Variants in CUL4A observed in about 807,000 individuals in gnomAD.
The protein encoded by CUL4A is cullin 4A.
Under a neutral mutation model 95.5 loss-of-function variants are expected in CUL4A, and 16 were observed. That is an observed-to-expected ratio of 0.17 (90% confidence interval 0.11 to 0.25). The LOEUF is 0.25. Among genes scored for constraint, CUL4A ranks in the 10% least tolerant of loss-of-function variants. The pLI, the probability that CUL4A is intolerant of heterozygous loss-of-function variation, is 1.00. For missense variants in CUL4A, 610 were observed against 937.0 expected, an observed-to-expected ratio of 0.65 and a Z score of 4.56; for synonymous variants, 380 against 353.1, an observed-to-expected ratio of 1.08 and a Z score of -0.85.
chr13:113,253,721 A>G (rs372364538), intron 16 of CUL4A, among the ~76,000 whole-genome samples: 1 of 152,174 alleles, frequency 6.6e-6, no homozygotes, highest in Admixed American at 6.5e-5. Flanking sequence ...TCTTAATAAG[A>G]CATTTTCACG....
At chr13:113,227,074 G>A (rs1211431469) in intron 3 of CUL4A, among the ~76,000 whole-genome samples, 9 of 152,196 alleles carry the variant, frequency 5.9e-5, no homozygotes, top group African/African-American at 2.2e-4. Context: ...AGGCTGGAGA[G>A]GGAGTGGCGA....
chr13:113,234,047 G>A, intron 7 of CUL4A, 61 bp downstream of exon 7: 2 of 976,054 alleles, frequency 2.0e-6, no homozygotes, highest in Non-Finnish European at 3.2e-6. Context: ...GCACCTAGGA[G>A]GACTTTCCTC....
intron 15 of CUL4A, among the ~76,000 whole-genome samples, chr13:113,248,029 G>A (rs1199294639): frequency 2.6e-5 from 4 of 152,140 alleles, no homozygotes; most frequent in South Asian, 2.1e-4. Context: ...CGGGAGGTGC[G>A]CACTATCACG....
intron 18 of CUL4A, among the ~76,000 whole-genome samples, chr13:113,256,811 T>C (rs942426823): frequency 8.5e-5 from 13 of 152,126 alleles, no homozygotes; most frequent in Non-Finnish European, 4.4e-5. Context: ...TGTATTTTTC[T>C]TTTTCTAATT....
chr13:113,235,546 C>T (rs960956157), intron 8 of CUL4A, among the ~76,000 whole-genome samples: 1 of 151,942 alleles, frequency 6.6e-6, no homozygotes, highest in Non-Finnish European at 1.5e-5. Context: ...TCCTGCAAAC[C>T]TGAGGTTGAT....
intron 5 of CUL4A, 100 bp from the exon 6 acceptor site, chr13:113,233,072 AACTTC>A (rs1423495442): frequency 8.3e-7 from 1 of 1,209,080 alleles, no homozygotes; most frequent in East Asian, 2.5e-5. Context: ...GAGAATTAGC[AACTTC>A]ACATTTTTGG....
rs1329850749 is a variant in CUL4A at position 113,210,041 on chromosome 13, G to A, written c.217G>A (p.Val73Met). ...WRKLHEAVRA[V>M]QSSTSIRYNL... ...GAAGCTGCACGAGGCGGTGCGGGCC[G>A]TGCAGAGCAGCACCTCCATCAGGTA... Residue 73 changes from valine (V) to methionine (M), a missense_variant, in exon 2 of 20, where the codon GTG (valine) becomes ATG (methionine). By Grantham distance (21) the Val-to-Met change is conservative (BLOSUM62 1). This residue lies in a region of CUL4A where 168 missense variants were observed against 185.5 expected (regional missense o/e 0.91). Coordinates refer to ENST00000375440, the MANE Select transcript of CUL4A (RefSeq NM_001008895.4). 6.6e-7 allele frequency: 1 copy of A among 1,524,786 alleles called. No homozygotes were observed. The highest frequency in any genetic ancestry group is 2.7e-5 in the East Asian group (1 of 36,978). The allele number at this position is 1,524,786 out of a possible 1,614,324, so 94.5% of individuals were successfully genotyped here.
At chr13:113,228,363 C>T (rs987282504) in intron 4 of CUL4A, among the ~76,000 whole-genome samples, 10 of 152,226 alleles carry the variant, frequency 6.6e-5, no homozygotes, top group Admixed American at 6.5e-4. Context: ...GTCTTTCCTG[C>T]AGCTGCACAA....
At chr13:113,242,421 A>G (rs563433317) in intron 10 of CUL4A, among the ~76,000 whole-genome samples, 2 of 152,258 alleles carry the variant, frequency 1.3e-5, no homozygotes, top group Non-Finnish European at 2.9e-5. Flanking sequence ...TTTAAAAAGC[A>G]ACGGACATTT....
At chr13:113,252,112 C>T (rs908548529) in intron 15 of CUL4A, among the ~76,000 whole-genome samples, 1 of 152,182 alleles carries the variant, frequency 6.6e-6, no homozygotes. Context: ...GGGAGAGTCA[C>T]ACACAGCCTG....
chr13:113,218,579 T>TC (rs962011471), intron 2 of CUL4A, among the ~76,000 whole-genome samples: 74 of 152,326 alleles, frequency 4.9e-4, no homozygotes, highest in African/African-American at 1.2e-3. Context: ...GACTGAGGAA[T>TC]CGGAGCACCC....
intron 19 of CUL4A, among the ~76,000 whole-genome samples, chr13:113,262,611 T>C (rs578030034): frequency 6.6e-6 from 1 of 152,306 alleles, no homozygotes; most frequent in East Asian, 1.9e-4. Flanking sequence ...ATCGCACCAC[T>C]GCACTCCAGC....
At chr13:113,253,835 C>T (rs531796764) in intron 16 of CUL4A, among the ~76,000 whole-genome samples, 3 of 152,210 alleles carry the variant, frequency 2.0e-5, no homozygotes, top group South Asian at 2.1e-4. Flanking sequence ...GCTTATGAAA[C>T]GGCAATTATA....
At chr13:113,250,480 A>G (rs947925164) in intron 15 of CUL4A, among the ~76,000 whole-genome samples, 3 of 152,082 alleles carry the variant, frequency 2.0e-5, no homozygotes, top group African/African-American at 7.2e-5. Context: ...ATAAAATAGC[A>G]CTATGTATTC....
intron 19 of CUL4A, among the ~76,000 whole-genome samples, chr13:113,261,534 C>T (rs1429645628): frequency 6.6e-6 from 1 of 152,188 alleles, no homozygotes; most frequent in Non-Finnish European, 1.5e-5. Flanking sequence ...AGGTGCCGTC[C>T]TCAGGGCCCT....
chr13:113,233,773 G>A, intron 6 of CUL4A, 124 bp from the exon 7 acceptor site: 1 of 696,418 alleles, frequency 1.4e-6, no homozygotes, highest in Non-Finnish European at 2.6e-6. Context: ...GGCCGGCTGG[G>A]TGGCCACAGG....
chr13:113,229,279 C>A (rs2041223357), intron 4 of CUL4A, among the ~76,000 whole-genome samples, 167 bp from the exon 5 acceptor site: 1 of 152,022 alleles, frequency 6.6e-6, no homozygotes, highest in Non-Finnish European at 1.5e-5. Flanking sequence ...AAATCACATA[C>A]CAAGGGGACA....
In CUL4A at chr13:113,264,389, A is replaced by ATTGCAATAATAAAGTTTGGT. The variant is rs1384693144; in HGVS notation, c.*811_*830dup. 2 of 151,662 alleles carry ATTGCAATAATAAAGTTTGGT rather than the reference A, an allele frequency of 1.3e-5. No homozygotes were observed. The highest frequency in any genetic ancestry group is 2.4e-5 in the African/African-American group (1 of 41,344). 9.4% of individuals were successfully genotyped at this position (151,662 alleles called of 1,614,324 possible). On this transcript the variant is annotated 3_prime_UTR_variant, in exon 20 of 20. Coordinates refer to ENST00000375440, the MANE Select transcript of CUL4A (RefSeq NM_001008895.4). ...TTTTTTTAATTGCAGTATTTGTGTG[A>ATTGCAATAATAAAGTTTGGT]TTGCAATAATAAAGTTTGGTTTGGT... is the stretch of plus-strand genomic sequence containing the variant.
intron 6 of CUL4A, 148 bp from the exon 7 acceptor site, chr13:113,233,749 A>G: frequency 1.6e-6 from 1 of 634,288 alleles, no homozygotes; most frequent in Non-Finnish European, 2.8e-6. Context: ...CGTTTTGGGA[A>G]GGACAGTGCA....
Sources: allele counts gnomAD v4.1 joint callset (sites outside exome capture counted in the v4.1 genomes callset), GRCh38; gene constraint gnomAD v4.1.1; regional missense constraint gnomAD v4.1.1; transcripts MANE v1.5; gene names NCBI Gene and HGNC (gene_info 2026-07-23, HGNC 2026-07-21).